FAM161B: variants seen among roughly 807,000 people sequenced by gnomAD.
FAM161B encodes the protein FAM161 centrosomal protein B, also known as protein FAM161B.
In FAM161B, 46 loss-of-function variants were observed where a neutral mutation model predicts 61.5. The observed-to-expected ratio is 0.75, with a 90% confidence interval of 0.59 to 0.96. The LOEUF is 0.96. FAM161B is among the 40% of genes least tolerant of loss of function. The probability of loss-of-function intolerance (pLI) is 0.00; values close to 1 mark genes in which losing one functional copy is unlikely to be tolerated. For synonymous variants in FAM161B, 284 were observed against 302.7 expected (o/e 0.94, Z 0.64); for missense variants, 774 against 800.7 (o/e 0.97, Z 0.40).
At position 73,934,259 on chromosome 14, in the gene FAM161B, A is replaced by C; in HGVS notation, c.1941T>G (p.Ala647=). The C allele has an allele frequency of 6.2e-7, 1 of 1,609,636 alleles. No individual in the cohort carries two copies. Among genetic ancestry groups the C allele is most frequent in the South Asian group, 1.1e-5 (1 of 90,042 alleles). The change falls in exon 9 of 9, where the codon GCT becomes GCG. Residue 647 remains alanine, a synonymous_variant. Transcript: ENST00000286544. ...GCAGTAATTTTAAGTGTAGTGATTA[A>C]GCAAGTGATACGAGATTTTCTGGTG... ...HQSPENLVSL[A] is the part of the protein sequence containing the mutation.
intron 5 of FAM161B, among the ~76,000 whole-genome samples, chr14:73,940,432 C>T (rs2056007983): frequency 6.6e-6 from 1 of 152,276 alleles, no homozygotes; most frequent in Middle Eastern, 3.4e-3. Context: ...TTCCTCTCAC[C>T]CATGGGCTTT....
chr14:73,929,518 T>A (rs17094043), downstream of FAM161B, among the ~76,000 whole-genome samples: 1 of 152,094 alleles, frequency 6.6e-6, no homozygotes, highest in Admixed American at 6.6e-5. Context: ...AAAAATAGCT[T>A]ATCAAGAATA....
the FAM161B span, among the ~76,000 whole-genome samples, chr14:73,926,471 G>A: frequency 6.6e-6 from 1 of 151,744 alleles, no homozygotes; most frequent in Non-Finnish European, 1.5e-5. Context: ...CTCACTCTGT[G>A]GCCCAGGTCA....
rs373781898 is a variant in FAM161B at position 73,944,712 on chromosome 14, C to T, written c.548G>A (p.Arg183Gln). The change falls in exon 3 of 9, where the codon CGG becomes CAG. Residue 183 changes from arginine (R) to glutamine (Q), a missense_variant. Coordinates refer to ENST00000286544, the MANE Select transcript of FAM161B (RefSeq NM_152445.3). ...TGAGCCCAGCCACTCGGCCTTCTTC[C>T]GGGCCTCGCGCAGCGTCATGCGGAA... ...RPFRMTLREA[R>Q]KKAEWLGSPA... The T allele has an allele frequency of 1.6e-5, 26 of 1,604,602 alleles. No individual in the cohort carries two copies. In the East Asian group the frequency reaches 2.0e-4, roughly 12 times the overall value.
chr14:73,940,288 G>C (rs928640905), intron 5 of FAM161B, among the ~76,000 whole-genome samples: 2 of 152,202 alleles, frequency 1.3e-5, no homozygotes, highest in South Asian at 2.1e-4. Flanking sequence ...GGCTCTTGCT[G>C]CCCAACAGAC....
chr14:73,931,416 C>A, downstream of FAM161B: 1 of 1,195,534 alleles, frequency 8.4e-7, no homozygotes, highest in Non-Finnish European at 1.2e-6. Flanking sequence ...CATTCTCCAT[C>A]CTCCACTCTT....
downstream of FAM161B, among the ~76,000 whole-genome samples, chr14:73,926,636 T>C (rs372088858): frequency 5.7e-4 from 86 of 152,098 alleles, no homozygotes; most frequent in East Asian, 0.011. Context: ...GCTTTTACCA[T>C]GTTGGCCAGG....
chr14:73,939,340 C>A (rs924173753), intron 5 of FAM161B, among the ~76,000 whole-genome samples: 1 of 152,172 alleles, frequency 6.6e-6, no homozygotes, highest in Middle Eastern at 3.2e-3. Flanking sequence ...GTCCAACATT[C>A]AATAGGTCTT....
Position 73,935,991 on chromosome 14 carries a change from C to T in FAM161B, c.1763G>A (p.Arg588Gln), listed in dbSNP as rs142291335. The T allele has an allele frequency of 2.0e-5, 32 of 1,613,488 alleles. No individual in the cohort carries two copies. In the African/African-American group the frequency reaches 2.1e-4, roughly 11 times the overall value. ...TTTGGTCTCTTTCTCTTGAACAGCC[C>T]GGGTGCCTTGACCCTTGTTTCTCAC... ...DFVRNKGQGT[R>Q]AVQEKETKIK... The change falls in exon 8 of 9, where the codon CGG (arginine) becomes CAG (glutamine). Residue 588 changes from arginine (R) to glutamine (Q), a missense_variant. Transcript: ENST00000286544.
chr14:73,925,895 G>A, the FAM161B span, among the ~76,000 whole-genome samples: 1 of 152,088 alleles, frequency 6.6e-6, no homozygotes, highest in Non-Finnish European at 1.5e-5. Flanking sequence ...TTAGCGGGAC[G>A]TGGTGGCATG....
chr14:73,949,949 G>C, intron 1 of FAM161B, 24 bp downstream of exon 1: 2 of 1,612,630 alleles, frequency 1.2e-6, no homozygotes, highest in Non-Finnish European at 1.7e-6. Flanking sequence ...CCTTTCCCGG[G>C]GGCAGTCTCT....
At chr14:73,942,332 G>A (rs75730360) in intron 4 of FAM161B, 37 bp downstream of exon 4, 124,101 of 1,588,470 alleles carry the variant, frequency 0.078, 9,971 homozygotes, top group East Asian at 0.44. Flanking sequence ...ATTTCAGGCC[G>A]CAGCCCTGAC....
downstream of FAM161B, chr14:73,931,463 A>T: frequency 2.6e-6 from 4 of 1,564,712 alleles, no homozygotes; most frequent in Non-Finnish European, 3.5e-6. Flanking sequence ...TCTATAATTC[A>T]ACTGTAACCT....
chr14:73,936,208 G>C, intron 7 of FAM161B, 120 bp from the exon 8 acceptor site: 1 of 1,156,734 alleles, frequency 8.6e-7, no homozygotes, highest in Admixed American at 2.7e-5. Flanking sequence ...GTGGGGCATA[G>C]ATTTGCAAGA....
Position 73,946,393 on chromosome 14 carries a change from A to G in FAM161B, c.267T>C (p.Ser89=), listed in dbSNP as rs200939257. Residue 89 remains serine (S), a synonymous_variant, in exon 2 of 9, where the codon TCT becomes TCC. Coordinates refer to ENST00000286544, the MANE Select transcript of FAM161B (RefSeq NM_152445.3). ...RWCLLESLFQ[S]DPESDENLSE... ...AGAGGTTTTCATCACTCTCTGGGTC[A>G]GACTGAAAGAGAGACTCCAACAGAC... 1 of 1,614,184 alleles carries G rather than the reference A, an allele frequency of 6.2e-7. No homozygotes were observed. Among genetic ancestry groups the G allele is most frequent in the Admixed American group, 1.7e-5 (1 of 60,028 alleles).
At position 73,942,398 on chromosome 14, in the gene FAM161B, A is replaced by G. The variant is rs758694910; in HGVS notation, c.1243T>C (p.Cys415Arg). 13 of 1,613,900 alleles carry G rather than the reference A, an allele frequency of 8.1e-6. No homozygotes were observed. In the Admixed American group the frequency reaches 1.8e-4, roughly 23 times the overall value. Residue 415 changes from cysteine (C) to arginine (R), a missense_variant, in exon 4 of 9, where the codon TGT (cysteine) becomes CGT (arginine). By Grantham distance (180) the Cys-to-Arg change is radical (BLOSUM62 -3). Coordinates refer to ENST00000286544, the MANE Select transcript of FAM161B (RefSeq NM_152445.3). ...TANLRHPQRP[C>R]DAATTGRRQD... ...CTCCTTCCGGTGGTGGCAGCATCAC[A>G]GGGCCGCTGAGGGTGGCGCAGGTTG...
At chr14:73,930,674 C>T (rs1010137290), downstream of FAM161B, among the ~76,000 whole-genome samples, 1 of 152,164 alleles carries the variant, frequency 6.6e-6, no homozygotes, top group African/African-American at 2.4e-5. Flanking sequence ...ATGATCATAG[C>T]TCACTGCACC....
rs1270894879 is a variant in FAM161B, at chr14:73,932,776, C to CACCA, written c.*1476_*1479dup. 1 of 225,676 alleles carries CACCA rather than the reference C, an allele frequency of 4.4e-6. No individual in the cohort carries two copies. Among genetic ancestry groups the CACCA allele is most frequent in the African/African-American group, 2.3e-5 (1 of 43,068 alleles). The allele number at this position is 225,676 out of a possible 1,614,324, so 14.0% of individuals were successfully genotyped here. ...AATAGCTAGGACTATAGGCATGTAC[C>CACCA]ACCAGTCCAGCTAACTTTTTGTGGT... is the stretch of plus-strand genomic sequence containing the variant. On this transcript the variant is annotated 3_prime_UTR_variant, in exon 9 of 9. Coordinates refer to ENST00000286544, the MANE Select transcript of FAM161B (RefSeq NM_152445.3).
Position 73,938,015 on chromosome 14 carries a change from G to T in FAM161B, c.1498C>A (p.Arg500Ser), listed in dbSNP as rs199821724. 6.2e-7 allele frequency: 1 copy of T among 1,614,164 alleles called. No homozygotes were observed. The highest frequency in any genetic ancestry group is 2.2e-5 in the East Asian group (1 of 44,880). Residue 500 changes from arginine to serine, a missense_variant, in exon 6 of 9, where the codon CGT becomes AGT. Transcript: ENST00000286544. The stretch of plus-strand genomic sequence containing the variant: ...TTATGGGGATCCATGGCTTTTGCAC[G>T]CAAGGTCACAGATTTGGACATTGCT... ...SQAMSKSVTL[R>S]AKAMDPHKSL...
Sources: gnomAD v4.1 joint callset for allele counts (sites outside exome capture counted in the v4.1 genomes callset) on GRCh38, gnomAD v4.1.1 for gene constraint, MANE v1.5 for transcripts, NCBI Gene and HGNC (gene_info 2026-07-23, HGNC 2026-07-21) for gene names.